The following SLC24A3 variants were observed in gnomAD, a reference collection of about 807,000 sequenced individuals.
The protein encoded by SLC24A3 is sodium/potassium/calcium exchanger 3.
In SLC24A3, 28 loss-of-function variants were observed where a neutral mutation model predicts 75.8. The observed-to-expected ratio is 0.37, with a 90% confidence interval of 0.27 to 0.51. The LOEUF (loss-of-function observed/expected upper bound fraction) is 0.51. Ranked by LOEUF, SLC24A3 falls within the 20% of genes least tolerant of loss-of-function variation. The probability of loss-of-function intolerance (pLI) is 0.94; values close to 1 mark genes in which losing one functional copy is unlikely to be tolerated. For synonymous variants in SLC24A3, 372 were observed against 334.1 expected, an observed-to-expected ratio of 1.11 and a Z score of -1.24; for missense variants, 663 against 847.8, an observed-to-expected ratio of 0.78 and a Z score of 2.71.
chr20:19,262,404 C>CAAAAA lies in SLC24A3; in HGVS notation c.143-18537_143-18533dup, dbSNP rs58691860. On this transcript the variant is annotated intron_variant, in intron 1 of 16. Coordinates refer to ENST00000328041, the MANE Select transcript of SLC24A3 (RefSeq NM_020689.4). ...TGGGCGACAGAGCGAGACTCCGTCTCAAAAAAAAAAAAAAAAAAAAAAGAA... is the reference window on the plus strand; with the variant it reads ...TGGGCGACAGAGCGAGACTCCGTCTCAAAAAAAAAAAAAAAAAAAAAAAAAAAGAA... 9.9e-4 allele frequency among the ~76,000 whole-genome samples: 75 copies of CAAAAA among 75,644 alleles called. No homozygotes were observed. The South Asian group carries it at 0.011, about 11-fold the overall frequency. 49.6% of individuals were successfully genotyped at this position (75,644 alleles called of 152,430 possible). A position where few individuals can be genotyped will look rare whatever the true frequency, so the allele number is the denominator to read the frequency against.
intron 2 of SLC24A3, among the ~76,000 whole-genome samples, chr20:19,495,383 C>T (rs886414219): frequency 6.6e-6 from 1 of 152,208 alleles, no homozygotes; most frequent in Non-Finnish European, 1.5e-5. Context: ...TCCTTTCCAG[C>T]CCTTTCCTTC....
intron 3 of SLC24A3, among the ~76,000 whole-genome samples, chr20:19,522,680 C>T (rs986501030): frequency 2.0e-5 from 3 of 152,216 alleles, no homozygotes; most frequent in Non-Finnish European, 2.9e-5. Flanking sequence ...TCCATTCAGA[C>T]GGAGCTGCCC....
rs532945426 is a variant in SLC24A3, at chr20:19,248,577, A to G, written c.143-32382A>G. ...ATGTAAATGAATACAGCCATTATGGAAAACAGTATGAAGGTTCCTCAAAAA... is the reference window on the plus strand; with the variant it reads ...ATGTAAATGAATACAGCCATTATGGGAAACAGTATGAAGGTTCCTCAAAAA... On this transcript the variant is annotated intron_variant, in intron 1 of 16. Coordinates refer to ENST00000328041, the MANE Select transcript of SLC24A3 (RefSeq NM_020689.4). Among the ~76,000 whole-genome samples, 8 of 152,264 alleles carry G rather than the reference A, an allele frequency of 5.3e-5. No homozygotes were observed. In the South Asian group the frequency reaches 1.7e-3, roughly 32 times the overall value.
chr20:19,535,120 A>G (rs1311508512), intron 3 of SLC24A3, among the ~76,000 whole-genome samples: 1 of 152,248 alleles, frequency 6.6e-6, no homozygotes, highest in Non-Finnish European at 1.5e-5. Context: ...ATGATGACTA[A>G]CCATCCTCAA....
intron 2 of SLC24A3, among the ~76,000 whole-genome samples, chr20:19,370,412 AC>A (rs1985971992): frequency 6.6e-6 from 1 of 152,206 alleles, no homozygotes; most frequent in African/African-American, 2.4e-5. Flanking sequence ...GAAGCAGATG[AC>A]CCAGGTCAGA....
chr20:19,327,344 T>A (rs1375510975), intron 2 of SLC24A3, among the ~76,000 whole-genome samples: 1 of 152,184 alleles, frequency 6.6e-6, no homozygotes, highest in Non-Finnish European at 1.5e-5. Context: ...AAAAAAACGT[T>A]CTTTCATTTT....
intron 2 of SLC24A3, among the ~76,000 whole-genome samples, chr20:19,511,329 T>A (rs1600259585): frequency 1.4e-5 from 1 of 69,462 alleles, no homozygotes; most frequent in Admixed American, 1.1e-4. Flanking sequence ...CTTAGCTCAA[T>A]TTTTTTTTTT....
At chr20:19,513,219 A>G (rs1204553924) in intron 2 of SLC24A3, among the ~76,000 whole-genome samples, 1 of 152,226 alleles carries the variant, frequency 6.6e-6, no homozygotes, top group Non-Finnish European at 1.5e-5. Flanking sequence ...AGAGGGCAGA[A>G]TGGAATTGCA....
At chr20:19,399,127 A>G (rs1986507413) in intron 2 of SLC24A3, among the ~76,000 whole-genome samples, 1 of 152,168 alleles carries the variant, frequency 6.6e-6, no homozygotes, top group Middle Eastern at 3.4e-3. Context: ...ATCTGTGTTG[A>G]TGTCACCTCC....
chr20:19,587,155 G>T (rs934287525), intron 6 of SLC24A3, among the ~76,000 whole-genome samples: 6 of 152,170 alleles, frequency 3.9e-5, no homozygotes, highest in African/African-American at 1.4e-4. Context: ...GCTGTTATTA[G>T]TGTTGTCATT....
chr20:19,685,462 T>C, intron 12 of SLC24A3, 101 bp downstream of exon 12: 1 of 1,525,578 alleles, frequency 6.6e-7, no homozygotes, highest in South Asian at 1.3e-5. Context: ...TTTTTTAAAA[T>C]CTCTGTATGA....
intron 3 of SLC24A3, among the ~76,000 whole-genome samples, chr20:19,537,758 C>T (rs1337848627): frequency 1.3e-5 from 2 of 151,808 alleles, no homozygotes; most frequent in African/African-American, 4.8e-5. Context: ...AACCATCATT[C>T]TGAGCAAACT....
chr20:19,279,316 G>A (rs1983586847), intron 1 of SLC24A3, among the ~76,000 whole-genome samples: 2 of 152,200 alleles, frequency 1.3e-5, no homozygotes, highest in African/African-American at 4.8e-5. Context: ...CGGCAACTTT[G>A]GACATTCAAG....
intron 2 of SLC24A3, 113 bp downstream of exon 2, chr20:19,281,200 A>T (rs1255715068): frequency 6.8e-6 from 10 of 1,459,988 alleles, no homozygotes; most frequent in African/African-American, 1.4e-5. Context: ...GCCTCCAAAG[A>T]TGTTTAGGAT....
intron 6 of SLC24A3, among the ~76,000 whole-genome samples, chr20:19,599,399 G>A (rs1316900729): frequency 6.7e-6 from 1 of 148,320 alleles, no homozygotes; most frequent in Non-Finnish European, 1.5e-5. Context: ...CCTGGCGGAC[G>A]GCGTGTGTGA....
chr20:19,536,896 C>T (rs1444539945), intron 3 of SLC24A3, among the ~76,000 whole-genome samples: 2 of 152,076 alleles, frequency 1.3e-5, no homozygotes, highest in African/African-American at 4.8e-5. Context: ...TAAAGACTTA[C>T]ATGTTACACC....
At chr20:19,396,864 C>G (rs1333100015) in intron 2 of SLC24A3, among the ~76,000 whole-genome samples, 1 of 152,186 alleles carries the variant, frequency 6.6e-6, no homozygotes, top group African/African-American at 2.4e-5. Context: ...ACTCTAACAT[C>G]TCCACTTGCC....
intron 2 of SLC24A3, among the ~76,000 whole-genome samples, chr20:19,491,642 G>A (rs1481467534): frequency 1.3e-5 from 2 of 152,086 alleles, no homozygotes; most frequent in African/African-American, 4.8e-5. Context: ...AGACACCCCT[G>A]CCCCTCCTCT....
intron 3 of SLC24A3, among the ~76,000 whole-genome samples, chr20:19,554,173 C>T (rs1462290562): frequency 2.0e-5 from 3 of 152,088 alleles, no homozygotes; most frequent in African/African-American, 2.4e-5. Flanking sequence ...ATGTAGAACA[C>T]ATGAGATGGC....
Sources: gnomAD v4.1 joint callset for allele counts (sites outside exome capture counted in the v4.1 genomes callset) on GRCh38, gnomAD v4.1.1 for gene constraint, MANE v1.5 for transcripts, NCBI Gene and HGNC (gene_info 2026-07-23, HGNC 2026-07-21) for gene names.